FAT1: variants seen among roughly 807,000 people sequenced by gnomAD.
FAT1 encodes FAT atypical cadherin 1.
A neutral mutation model predicts 329.8 loss-of-function variants in FAT1; 171 were observed. That is an observed-to-expected ratio of 0.52 (90% CI 0.46 to 0.59). The LOEUF is 0.59. Ranked by LOEUF, FAT1 falls within the 20% of genes least tolerant of loss-of-function variation. FAT1 has a pLI of 0.00. For missense variants in FAT1, 5,672 were observed against 5,774.4 expected, an observed-to-expected ratio of 0.98 and a Z score of 0.57; for synonymous variants, 2,233 against 2,228.6, an observed-to-expected ratio of 1.00 and a Z score of -0.06.
intron 2 of FAT1, among the ~76,000 whole-genome samples, chr4:186,676,697 G>A (rs1742971974): frequency 6.6e-6 from 1 of 152,190 alleles, no homozygotes; most frequent in Non-Finnish European, 1.5e-5. Flanking sequence ...GATTCCTCCT[G>A]TTACAGTCAA....
At position 186,588,793 on chromosome 4, in the gene FAT1, C is replaced by T. The variant is rs749579091; in HGVS notation, c.13566G>A (p.Gly4522=). Residue 4522 remains glycine (G), a synonymous_variant, in exon 27 of 27, where the codon GGG becomes GGA. Coordinates refer to ENST00000441802, the MANE Select transcript of FAT1 (RefSeq NM_005245.4). The part of the protein sequence containing the change: ...CREPHAPYPP[G]YQRHFEAPAV... ...CGGGCGCCTCGAAGTGTCTTTGATACCCTGGCGGGTAAGGGGCATGGGGTT... is the reference window on the plus strand; with the variant it reads ...CGGGCGCCTCGAAGTGTCTTTGATATCCTGGCGGGTAAGGGGCATGGGGTT... The T allele has an allele frequency of 1.2e-6, 2 of 1,613,978 alleles. No individual in the cohort carries two copies. The highest frequency in any genetic ancestry group is 1.1e-5 in the South Asian group (1 of 91,082).
rs1230879172 is a variant in FAT1 at position 186,609,176 on chromosome 4, C to T, written c.10206+7G>A. Reference sequence around the variant, plus strand: ...GTAAACAACGTAAATCAACCTTTTTCACTTACCGTTTCTCGGTCGAGAAGT... The same window carrying T: ...GTAAACAACGTAAATCAACCTTTTTTACTTACCGTTTCTCGGTCGAGAAGT... On this transcript the variant is annotated splice_region_variant and intron_variant, in intron 16 of 26. Coordinates refer to ENST00000441802, the MANE Select transcript of FAT1 (RefSeq NM_005245.4). 6.2e-7 allele frequency: 1 copy of T among 1,610,082 alleles called. No homozygotes were observed. Among genetic ancestry groups the T allele is most frequent in the Non-Finnish European group, 8.5e-7 (1 of 1,178,624 alleles).
intron 15 of FAT1, 139 bp downstream of exon 15, chr4:186,609,662 G>A (rs1739307370): frequency 1.5e-6 from 1 of 650,358 alleles, no homozygotes; most frequent in Admixed American, 2.6e-5. Flanking sequence ...TCAGCAATCA[G>A]TTGGCCTAAC....
At chr4:186,639,652 C>A (rs1741003042) in intron 4 of FAT1, 70 bp downstream of exon 4, 2 of 1,042,876 alleles carry the variant, frequency 1.9e-6, no homozygotes, top group Non-Finnish European at 2.9e-6. Context: ...TTAATGGGAA[C>A]AAGATTGTTC....
intron 3 of FAT1, among the ~76,000 whole-genome samples, chr4:186,655,234 T>C (rs1741848248): frequency 6.6e-6 from 1 of 152,180 alleles, no homozygotes; most frequent in African/African-American, 2.4e-5. Flanking sequence ...CTACTAAACT[T>C]TTCTGATAAA....
In FAT1 at chr4:186,663,534, A is replaced by C. The variant is rs2126618222; in HGVS notation, c.3345T>G (p.Gly1115=). The stretch of plus-strand genomic sequence containing the variant: ...CTATGAACGATGAAAGAGGCACGAC[A>C]CCCTGATCGGTTGCAAAGACTGTTA... ...YWLTVFATDQ[G]VVPLSSFIEI... is the part of the protein sequence containing the mutation. The change falls in exon 3 of 27, where the codon GGT becomes GGG. Residue 1115 remains glycine, a synonymous_variant. Coordinates refer to ENST00000441802, the MANE Select transcript of FAT1 (RefSeq NM_005245.4). 5 of 1,613,816 alleles carry C rather than the reference A, an allele frequency of 3.1e-6. No homozygotes were observed. The highest frequency in any genetic ancestry group is 4.2e-6 in the Non-Finnish European group (5 of 1,179,898).
At position 186,708,836 on chromosome 4, in the gene FAT1, C is replaced by T. The variant is rs2126699452; in HGVS notation, c.992G>A (p.Gly331Asp). The T allele has an allele frequency of 3.7e-6, 6 of 1,613,906 alleles. No homozygotes were observed. Among genetic ancestry groups the T allele is most frequent in the South Asian group, 2.2e-5 (2 of 91,074 alleles). The part of the protein sequence containing the change: ...GGIDWDSHPF[G>D]YNLTLQAKDK... Reference sequence around the variant, plus strand: ...TTTAGCCTGTAGTGTGAGATTGTAGCCGAAAGGATGACTGTCCCAATCAAT... The same window carrying T: ...TTTAGCCTGTAGTGTGAGATTGTAGTCGAAAGGATGACTGTCCCAATCAAT... The change falls in exon 2 of 27, where the codon GGC becomes GAC. Residue 331 changes from glycine to aspartate, a missense_variant. By Grantham distance (94) the Gly-to-Asp change is moderately conservative (BLOSUM62 -1). Around this residue, in one of 2 missense-constraint regions of FAT1, gnomAD observed 3,966 missense variants for 3,915.2 expected, o/e 1.01. Coordinates refer to ENST00000441802, the MANE Select transcript of FAT1 (RefSeq NM_005245.4).
At chr4:186,668,705 T>C (rs1287767143) in intron 2 of FAT1, among the ~76,000 whole-genome samples, 1 of 152,262 alleles carries the variant, frequency 6.6e-6, no homozygotes, top group Non-Finnish European at 1.5e-5. Context: ...AAGCCACGAC[T>C]GGCATTTACA....
At chr4:186,710,064 T>C (rs1455796382) in intron 1 of FAT1, among the ~76,000 whole-genome samples, 5 of 152,252 alleles carry the variant, frequency 3.3e-5, no homozygotes, top group South Asian at 2.1e-4. Flanking sequence ...CTTTTCATTT[T>C]TGAACGACAA....
chr4:186,597,312 T>C (rs1738579988), intron 24 of FAT1, 141 bp from the exon 25 acceptor site: 2 of 930,580 alleles, frequency 2.1e-6, no homozygotes, highest in Non-Finnish European at 3.1e-6. Flanking sequence ...AACTAAAAAA[T>C]GTAACGTCGA....
intron 16 of FAT1, 34 bp downstream of exon 16, chr4:186,609,149 T>C: frequency 6.2e-7 from 1 of 1,604,388 alleles, no homozygotes. Flanking sequence ...ATGTGGTGAT[T>C]TGTAAACAAC....
intron 17 of FAT1, among the ~76,000 whole-genome samples, chr4:186,604,792 A>G (rs202009516): frequency 0.012 from 1,769 of 151,262 alleles, 48 homozygotes; most frequent in East Asian, 0.07. Flanking sequence ...AAGGAGGATG[A>G]AGGAAACATG....
intron 1 of FAT1, among the ~76,000 whole-genome samples, chr4:186,718,186 TC>T (rs2126719655): frequency 6.6e-6 from 1 of 152,110 alleles, no homozygotes; most frequent in East Asian, 1.9e-4. Context: ...GAAAAGTCCA[TC>T]TTCCCTCCTC....
intron 4 of FAT1, among the ~76,000 whole-genome samples, chr4:186,638,296 G>A (rs1419015919): frequency 6.6e-6 from 1 of 152,088 alleles, no homozygotes; most frequent in African/African-American, 2.4e-5. Flanking sequence ...TGATATTCAC[G>A]GAGAAAAGAG....
chr4:186,655,945 G>A (rs540071374), intron 3 of FAT1, among the ~76,000 whole-genome samples: 43 of 152,314 alleles, frequency 2.8e-4, no homozygotes, highest in Admixed American at 1.8e-3. Context: ...AGGTACGACC[G>A]CCAGTACCTG....
intron 26 of FAT1, chr4:186,592,616 G>T: frequency 2.3e-6 from 1 of 443,330 alleles, no homozygotes; most frequent in Admixed American, 2.5e-5. Flanking sequence ...TCCTACCATT[G>T]CAATAGCAAT....
At chr4:186,645,820 C>A (rs903276291) in intron 3 of FAT1, among the ~76,000 whole-genome samples, 35 of 151,498 alleles carry the variant, frequency 2.3e-4, no homozygotes, top group African/African-American at 8.5e-4. Flanking sequence ...GTGGCGTGCA[C>A]CTGTAATCCC....
chr4:186,666,670 C>T (rs1742451767), intron 2 of FAT1, among the ~76,000 whole-genome samples: 1 of 152,240 alleles, frequency 6.6e-6, no homozygotes, highest in Admixed American at 6.5e-5. Flanking sequence ...CTAAATGTGA[C>T]TAGAGGCATT....
At chr4:186,678,452 ATATT>A (rs1428798638) in intron 2 of FAT1, among the ~76,000 whole-genome samples, 1 of 149,396 alleles carries the variant, frequency 6.7e-6, no homozygotes, top group Non-Finnish European at 1.5e-5. Flanking sequence ...TAATAAATAA[ATATT>A]TATTATTGTA....
Sources: gnomAD v4.1 joint callset for allele counts (sites outside exome capture counted in the v4.1 genomes callset) on GRCh38, gnomAD v4.1.1 for gene constraint, gnomAD v4.1.1 regional missense constraint, MANE v1.5 for transcripts, NCBI Gene and HGNC (gene_info 2026-07-23, HGNC 2026-07-21) for gene names.